A1CF: variants seen among roughly 807,000 people sequenced by gnomAD.
A1CF encodes APOBEC-1 stimulating protein.
Under a neutral mutation model 68.9 loss-of-function variants are expected in A1CF, and 48 were observed. That is an observed-to-expected ratio of 0.70 (90% CI 0.55 to 0.89). The LOEUF is 0.89. Among genes scored for constraint, A1CF ranks in the 40% least tolerant of loss-of-function variants. The probability of loss-of-function intolerance (pLI) is 0.00; values close to 1 mark genes in which losing one functional copy is unlikely to be tolerated. For synonymous variants in A1CF, 272 were observed against 260.4 expected (o/e 1.04, Z -0.43); for missense variants, 653 against 718.9 (o/e 0.91, Z 1.05).
chr10:50,806,816 A>G lies in A1CF; in HGVS notation c.1674T>C (p.Leu558=), dbSNP rs551198948. ...SAAQLKQAVT[L]GQDLAAYTTY... ...TTGTATATGCTGCTAAGTCTTGTCC[A>G]AGGGTTACCGCTTGCTTGAGCTGGG... is the stretch of plus-strand genomic sequence containing the variant. Residue 558 remains leucine, a synonymous_variant, in exon 13 of 13, where the codon CTT becomes CTC. Transcript: ENST00000373997. 6.2e-7 allele frequency: 1 copy of G among 1,613,644 alleles called. No homozygotes were observed. The highest frequency in any genetic ancestry group is 1.3e-5 in the African/African-American group (1 of 75,020).
intron 7 of A1CF, among the ~76,000 whole-genome samples, chr10:50,822,352 G>T (rs971280041): frequency 6.6e-6 from 1 of 152,118 alleles, no homozygotes; most frequent in African/African-American, 2.4e-5. Flanking sequence ...ACTCACTTGG[G>T]TGTACCTTGA....
At chr10:50,839,891 C>T (rs767754343) in intron 5 of A1CF, among the ~76,000 whole-genome samples, 5 of 152,044 alleles carry the variant, frequency 3.3e-5, no homozygotes, top group Admixed American at 6.6e-5. Flanking sequence ...TACAGGCATG[C>T]GCCACCACGC....
chr10:50,807,192 G>T (rs948523315), intron 12 of A1CF, among the ~76,000 whole-genome samples: 1 of 152,088 alleles, frequency 6.6e-6, no homozygotes, highest in African/African-American at 2.4e-5. Flanking sequence ...ATACTGAGTT[G>T]ATTAAAGCTT....
At chr10:50,808,192 G>A (rs746497639) in intron 12 of A1CF, among the ~76,000 whole-genome samples, 1 of 152,080 alleles carries the variant, frequency 6.6e-6, no homozygotes, top group Non-Finnish European at 1.5e-5. Flanking sequence ...TAAGTGCCAG[G>A]GTGTTTGGGT....
At chr10:50,850,111 G>T (rs1177186020) in intron 3 of A1CF, among the ~76,000 whole-genome samples, 4 of 152,034 alleles carry the variant, frequency 2.6e-5, no homozygotes, top group African/African-American at 9.7e-5. Context: ...TCATTTATTG[G>T]TTTCACTTTT....
At chr10:50,822,073 T>C (rs751088919) in intron 7 of A1CF, among the ~76,000 whole-genome samples, 13 of 152,218 alleles carry the variant, frequency 8.5e-5, no homozygotes, top group Non-Finnish European at 1.9e-4. Context: ...TTTGGTATTT[T>C]ACAAATATTT....
At chr10:50,837,056 T>C (rs1230403146) in intron 5 of A1CF, among the ~76,000 whole-genome samples, 1 of 152,098 alleles carries the variant, frequency 6.6e-6, no homozygotes, top group African/African-American at 2.4e-5. Context: ...TCCTTTTCTT[T>C]TGTAGCCAAA....
intron 1 of A1CF, among the ~76,000 whole-genome samples, chr10:50,874,854 C>T (rs1841433664): frequency 6.6e-6 from 1 of 152,144 alleles, no homozygotes; most frequent in South Asian, 2.1e-4. Context: ...GCACAAAAAC[C>T]AGACTCCCTG....
intron 6 of A1CF, among the ~76,000 whole-genome samples, chr10:50,834,245 C>T (rs1839381945): frequency 6.6e-6 from 1 of 152,162 alleles, no homozygotes; most frequent in Non-Finnish European, 1.5e-5. Context: ...TCCTACTCCC[C>T]CACACCCCAA....
chr10:50,835,040 C>A (rs184229957), intron 6 of A1CF, among the ~76,000 whole-genome samples: 6 of 152,110 alleles, frequency 3.9e-5, no homozygotes, highest in Non-Finnish European at 5.9e-5. Context: ...GATGACTTGA[C>A]CAAATGCTGG....
chr10:50,808,199 G>T (rs181998862), intron 12 of A1CF, among the ~76,000 whole-genome samples: 7 of 152,252 alleles, frequency 4.6e-5, no homozygotes, highest in African/African-American at 1.7e-4. Context: ...CAGGGTGTTT[G>T]GGTTTCAAAC....
chr10:50,860,354 G>A (rs1012713377), intron 2 of A1CF, among the ~76,000 whole-genome samples: 12 of 152,122 alleles, frequency 7.9e-5, no homozygotes, highest in African/African-American at 2.4e-4. Context: ...GGACACTGTC[G>A]CTCATTCTAA....
intron 1 of A1CF, among the ~76,000 whole-genome samples, chr10:50,878,370 G>T (rs1841614379): frequency 6.6e-6 from 1 of 152,198 alleles, no homozygotes; most frequent in Non-Finnish European, 1.5e-5. Flanking sequence ...ATGCACACTT[G>T]CTTGGTATTA....
chr10:50,875,904 C>T (rs1300870519), intron 1 of A1CF, among the ~76,000 whole-genome samples: 2 of 152,178 alleles, frequency 1.3e-5, no homozygotes, highest in Non-Finnish European at 1.5e-5. Context: ...ACAGTTCAGC[C>T]CCTTAACCTG....
chr10:50,804,831 G>C lies in A1CF; in HGVS notation c.*1898C>G, dbSNP rs1203314906. On this transcript the variant is annotated 3_prime_UTR_variant, in exon 13 of 13. Transcript: ENST00000373997. ...AAGAATATAGCAATTCCCAAACCTA[G>C]GTGCACATTGAAATCACCTAGGGAT... 1 of 152,010 alleles carries C rather than the reference G, an allele frequency of 6.6e-6. No individual in the cohort carries two copies. Among genetic ancestry groups the C allele is most frequent in the Non-Finnish European group, 1.5e-5 (1 of 67,980 alleles). The allele number at this position is 152,010 out of a possible 1,614,324, so 9.4% of individuals were successfully genotyped here.
chr10:50,849,745 T>A (rs1399218498), intron 3 of A1CF, among the ~76,000 whole-genome samples: 2 of 150,386 alleles, frequency 1.3e-5, no homozygotes, highest in Middle Eastern at 3.4e-3. Context: ...AGTTTGCTTT[T>A]AACATAAACG....
chr10:50,882,200 G>A (rs2132635940), intron 1 of A1CF, among the ~76,000 whole-genome samples: 1 of 152,316 alleles, frequency 6.6e-6, no homozygotes, highest in African/African-American at 2.4e-5. Flanking sequence ...CACTTTGGGA[G>A]GCTGAGGCAG....
intron 6 of A1CF, 50 bp downstream of exon 6, chr10:50,836,024 G>A (rs1251243457): frequency 6.8e-7 from 1 of 1,473,436 alleles, no homozygotes; most frequent in Non-Finnish European, 9.1e-7. Flanking sequence ...CTTTGCGGAG[G>A]CAGGCAGGAT....
chr10:50,863,971 C>A (rs1840862439), intron 2 of A1CF, 62 bp downstream of exon 2: 1 of 152,074 alleles, frequency 6.6e-6, no homozygotes, highest in Non-Finnish European at 1.5e-5. Context: ...ATCACATATA[C>A]CCTCAGAATA....
Sources: allele counts gnomAD v4.1 joint callset (sites outside exome capture counted in the v4.1 genomes callset), GRCh38; gene constraint gnomAD v4.1.1; transcripts MANE v1.5; gene names NCBI Gene and HGNC (gene_info 2026-07-23, HGNC 2026-07-21).